Variants in XKR4 observed in about 807,000 individuals in gnomAD.
The protein encoded by XKR4 is XK related 4.
Under a neutral mutation model 53.9 loss-of-function variants are expected in XKR4, and 12 were observed. The ratio of observed to expected loss-of-function variants is 0.22; its 90% CI spans 0.14 to 0.36. XKR4 has a LOEUF of 0.36. Ranked by LOEUF, XKR4 falls within the 10% of genes least tolerant of loss-of-function variation. XKR4 has a pLI of 1.00. For missense variants in XKR4, 799 were observed against 859.5 expected, an observed-to-expected ratio of 0.93 and a Z score of 0.88; for synonymous variants, 354 against 362.4, an observed-to-expected ratio of 0.98 and a Z score of 0.26.
chr8:55,411,812 C>T (rs1172579174), intron 2 of XKR4, among the ~76,000 whole-genome samples: 1 of 152,206 alleles, frequency 6.6e-6, no homozygotes, highest in Non-Finnish European at 1.5e-5. Flanking sequence ...GCGCCTGAGC[C>T]CCTCAGGCCC....
intron 2 of XKR4, among the ~76,000 whole-genome samples, chr8:55,397,214 G>A (rs1419599412): frequency 6.6e-6 from 1 of 152,148 alleles, no homozygotes; most frequent in African/African-American, 2.4e-5. Flanking sequence ...GAAGTTTTGT[G>A]GACATTCACT....
intron 2 of XKR4, among the ~76,000 whole-genome samples, chr8:55,506,017 A>T (rs1030989413): frequency 1.3e-5 from 2 of 152,262 alleles, no homozygotes; most frequent in African/African-American, 4.8e-5. Flanking sequence ...ACTGCTCAAC[A>T]TAAATGTGTG....
At position 55,390,792 on chromosome 8, in the gene XKR4, C is replaced by T. The variant is rs141851377; in HGVS notation, c.1006+32915C>T. Among the ~76,000 whole-genome samples, 451 of 152,250 alleles carry T rather than the reference C, an allele frequency of 3.0e-3. 3 individuals are homozygous for T. The highest frequency in any genetic ancestry group is 0.01 in the Middle Eastern group (3 of 294). On this transcript the variant is annotated intron_variant, in intron 2 of 2. Coordinates refer to ENST00000327381, the MANE Select transcript of XKR4 (RefSeq NM_052898.2). ...CAGTGGCCTTGACAATGACTTTGTT[C>T]GCTGTACATTGCCAAGTGCACTGGG...
chr8:55,329,143 TC>T (rs1803345109), intron 1 of XKR4, among the ~76,000 whole-genome samples: 2 of 152,168 alleles, frequency 1.3e-5, no homozygotes, highest in Admixed American at 1.3e-4. Context: ...TTCCTAAATC[TC>T]ATGCCCCTGC....
At chr8:55,338,183 T>C (rs963959642) in intron 1 of XKR4, among the ~76,000 whole-genome samples, 1 of 152,244 alleles carries the variant, frequency 6.6e-6, no homozygotes, top group African/African-American at 2.4e-5. Flanking sequence ...GCTAATTGCT[T>C]TCCCAAATTG....
In XKR4 at chr8:55,476,589, G is replaced by A. The variant is rs561524761; in HGVS notation, c.1007-46692G>A. ...CACACTGAGCAAGCTGAAGCAGGGCGAGGCATTGCCTCACTCAGGAAGTGC... is the reference window on the plus strand; with the variant it reads ...CACACTGAGCAAGCTGAAGCAGGGCAAGGCATTGCCTCACTCAGGAAGTGC... On this transcript the variant is annotated intron_variant, in intron 2 of 2. Transcript: ENST00000327381. 1.8e-4 allele frequency among the ~76,000 whole-genome samples: 27 copies of A among 152,152 alleles called. 1 individual carries two copies. The South Asian group carries it at 3.9e-3, about 22-fold the overall frequency.
intron 1 of XKR4, among the ~76,000 whole-genome samples, chr8:55,261,228 A>C (rs1818520898): frequency 6.6e-6 from 1 of 152,118 alleles, no homozygotes; most frequent in Admixed American, 6.6e-5. Context: ...GACCTTGGGA[A>C]AGCATTGAAC....
chr8:55,404,506 G>A (rs1804656986), intron 2 of XKR4, among the ~76,000 whole-genome samples: 1 of 152,180 alleles, frequency 6.6e-6, no homozygotes, highest in South Asian at 2.1e-4. Flanking sequence ...ATTTCCCCAG[G>A]AGCTTCCAGT....
intron 1 of XKR4, among the ~76,000 whole-genome samples, chr8:55,206,262 G>A (rs905816914): frequency 7.9e-5 from 12 of 152,264 alleles, no homozygotes; most frequent in East Asian, 5.8e-4. Context: ...CCCCACCCAC[G>A]TCCTGCTGAT....
At chr8:55,358,063 AAGAC>A (rs1049596506) in intron 2 of XKR4, among the ~76,000 whole-genome samples, 186 bp downstream of exon 2, 4 of 152,206 alleles carry the variant, frequency 2.6e-5, no homozygotes, top group Admixed American at 2.0e-4. Flanking sequence ...GATTAATTGA[AAGAC>A]AGCGCATTTT....
At chr8:55,508,358 A>G (rs1430730686) in intron 2 of XKR4, among the ~76,000 whole-genome samples, 1 of 152,214 alleles carries the variant, frequency 6.6e-6, no homozygotes, top group African/African-American at 2.4e-5. Flanking sequence ...GAACATCTCT[A>G]AATTCAATTC....
Position 55,103,162 on chromosome 8 carries a change from C to T in XKR4, c.674C>T (p.Ala225Val), listed in dbSNP as rs1207596651. Reference protein sequence around the residue: ...QASNASKSNIAAANSGSNSSG... With the variant: ...QASNASKSNIVAANSGSNSSG... ...TCTAACGCCAGCAAGAGCAACATCG[C>T]CGCGGCCAACAGCGGCAGCAACAGC... The change falls in exon 1 of 3, where the codon GCC becomes GTC. Residue 225 changes from alanine (A) to valine (V), a missense_variant. Physicochemically the swap from Ala to Val is moderately conservative, Grantham distance 64. Around this residue, in one of 3 missense-constraint regions of XKR4, gnomAD observed 476 missense variants for 505.4 expected, o/e 0.94. Transcript: ENST00000327381. The T allele has an allele frequency of 1.2e-6, 2 of 1,614,060 alleles. No individual in the cohort carries two copies. Among genetic ancestry groups the T allele is most frequent in the Non-Finnish European group, 1.7e-6 (2 of 1,180,050 alleles).
intron 1 of XKR4, among the ~76,000 whole-genome samples, chr8:55,105,621 T>A (rs554375407): frequency 6.6e-6 from 1 of 152,342 alleles, no homozygotes; most frequent in East Asian, 1.9e-4. Context: ...TTCAGAATAA[T>A]GTGTGTAGTA....
intron 1 of XKR4, among the ~76,000 whole-genome samples, chr8:55,264,319 G>T (rs929593102): frequency 6.6e-6 from 1 of 152,218 alleles, no homozygotes; most frequent in Non-Finnish European, 1.5e-5. Flanking sequence ...TTGGTTTATT[G>T]TTTTTCTTTC....
chr8:55,134,806 A>T (rs528841393), intron 1 of XKR4, among the ~76,000 whole-genome samples: 2 of 152,366 alleles, frequency 1.3e-5, no homozygotes, highest in Non-Finnish European at 2.9e-5. Context: ...TAAAATGCAC[A>T]CATATACTGA....
chr8:55,249,633 C>G (rs556260822), intron 1 of XKR4, among the ~76,000 whole-genome samples: 1 of 152,188 alleles, frequency 6.6e-6, no homozygotes, highest in Admixed American at 6.5e-5. Flanking sequence ...AGTTGTTTGG[C>G]AGCTCCATCA....
chr8:55,329,969 A>G (rs1240743881), intron 1 of XKR4, among the ~76,000 whole-genome samples: 4 of 152,230 alleles, frequency 2.6e-5, no homozygotes, highest in African/African-American at 9.6e-5. Flanking sequence ...GAAAATAAGA[A>G]TAATAACTAA....
At chr8:55,307,032 A>G (rs1347510970) in intron 1 of XKR4, among the ~76,000 whole-genome samples, 1 of 144,462 alleles carries the variant, frequency 6.9e-6, no homozygotes, top group Non-Finnish European at 1.5e-5. Context: ...TTAAACCTAT[A>G]CACTTTTAGA....
intron 2 of XKR4, among the ~76,000 whole-genome samples, chr8:55,494,579 G>C (rs1471153774): frequency 1.3e-5 from 2 of 152,088 alleles, no homozygotes; most frequent in African/African-American, 4.8e-5. Context: ...ACCCAAAGTG[G>C]GTAGCTCCTC....
Sources: gnomAD v4.1 joint callset for allele counts (sites outside exome capture counted in the v4.1 genomes callset) on GRCh38, gnomAD v4.1.1 for gene constraint, gnomAD v4.1.1 regional missense constraint, MANE v1.5 for transcripts, NCBI Gene and HGNC (gene_info 2026-07-23, HGNC 2026-07-21) for gene names.